The following ARHGAP17 variants were observed in gnomAD, a reference collection of about 807,000 sequenced individuals.
ARHGAP17 encodes the protein rho GTPase-activating protein 17.
Under a neutral mutation model 99.5 loss-of-function variants are expected in ARHGAP17, and 57 were observed. The ratio of observed to expected loss-of-function variants is 0.57; its 90% CI spans 0.46 to 0.71. The LOEUF is 0.71. Among genes scored for constraint, ARHGAP17 ranks in the 30% least tolerant of loss-of-function variants. The probability of loss-of-function intolerance (pLI) is 0.00; values close to 1 mark genes in which losing one functional copy is unlikely to be tolerated. For synonymous variants in ARHGAP17, 417 were observed against 429.6 expected (o/e 0.97, Z 0.36); for missense variants, 1,000 against 1,122.4 (o/e 0.89, Z 1.56).
chr16:24,982,994 ATATTTTTTTTTT>A (rs1486434868), intron 1 of ARHGAP17, among the ~76,000 whole-genome samples: 13 of 17,398 alleles, frequency 7.5e-4, no homozygotes, highest in African/African-American at 2.1e-3. Context: ...ATATATATAT[ATATTTTTTTTTT>A]TTTTTTTTTT....
At chr16:24,969,549 T>C (rs903622222) in intron 4 of ARHGAP17, among the ~76,000 whole-genome samples, 9 of 152,254 alleles carry the variant, frequency 5.9e-5, no homozygotes, top group African/African-American at 2.2e-4. Context: ...GGGAGTGATG[T>C]TGTGTGTTAA....
At chr16:24,939,283 G>C (rs1318492926) in intron 17 of ARHGAP17, 81 bp downstream of exon 17, 1 of 1,306,662 alleles carries the variant, frequency 7.7e-7, no homozygotes, top group Non-Finnish European at 1.0e-6. Flanking sequence ...CTTTGGGCAT[G>C]GATGCCGTGC....
chr16:24,934,861 A>C (rs1363476128), intron 18 of ARHGAP17, among the ~76,000 whole-genome samples: 1 of 152,222 alleles, frequency 6.6e-6, no homozygotes, highest in East Asian at 1.9e-4. Context: ...AACTTAGTTC[A>C]TTCAAGGAAC....
At chr16:24,945,515 G>C (rs139075704) in intron 14 of ARHGAP17, among the ~76,000 whole-genome samples, 1 of 152,018 alleles carries the variant, frequency 6.6e-6, no homozygotes, top group South Asian at 2.1e-4. Context: ...ACAACAACCC[G>C]TTATGAGGCC....
At chr16:24,961,065 C>T (rs1396692719) in intron 7 of ARHGAP17, among the ~76,000 whole-genome samples, 4 of 151,580 alleles carry the variant, frequency 2.6e-5, no homozygotes, top group Non-Finnish European at 4.4e-5. Context: ...GGTTTTGCCA[C>T]GTTGGCCAGG....
At chr16:24,929,168 TTTTA>T (rs2050916666) in intron 19 of ARHGAP17, among the ~76,000 whole-genome samples, 1 of 151,726 alleles carries the variant, frequency 6.6e-6, no homozygotes, top group African/African-American at 2.4e-5. Context: ...TTTTTTTTTT[TTTTA>T]AAAAGAGGCA....
Position 24,919,841 on chromosome 16 carries a change from C to T in ARHGAP17, c.*289G>A, listed in dbSNP as rs190916989. The T allele has an allele frequency of 2.3e-5, 6 of 263,318 alleles. No individual in the cohort carries two copies. In the East Asian group the frequency reaches 2.3e-4, roughly 10 times the overall value. The allele number at this position is 263,318 out of a possible 1,614,324, so 16.3% of individuals were successfully genotyped here. ...GGACAAAAGCTTCCTATGCGCGTTT[C>T]AGCAGGAATACTCTCTCCACTCCAG... On this transcript the variant is annotated 3_prime_UTR_variant, in exon 20 of 20. Coordinates refer to ENST00000289968, the MANE Select transcript of ARHGAP17 (RefSeq NM_001006634.3).
intron 19 of ARHGAP17, among the ~76,000 whole-genome samples, chr16:24,923,580 C>T (rs150213033): frequency 8.2e-4 from 124 of 152,118 alleles, no homozygotes; most frequent in African/African-American, 2.9e-3. Flanking sequence ...AAAAATTAGC[C>T]GGGTGTGGTG....
chr16:24,932,808 T>C (rs1470682306), intron 18 of ARHGAP17, among the ~76,000 whole-genome samples: 3 of 150,890 alleles, frequency 2.0e-5, no homozygotes, highest in Non-Finnish European at 3.0e-5. Flanking sequence ...CTGGGAGGGG[T>C]AGGGGGAAAG....
At chr16:25,010,298 TC>T (rs1259571553) in intron 1 of ARHGAP17, among the ~76,000 whole-genome samples, 3 of 152,120 alleles carry the variant, frequency 2.0e-5, no homozygotes, top group Non-Finnish European at 2.9e-5. Flanking sequence ...GGTCTGAAAT[TC>T]CTGGGTTCAA....
chr16:24,968,235 A>C, intron 6 of ARHGAP17, 116 bp downstream of exon 6: 4 of 1,194,458 alleles, frequency 3.3e-6, no homozygotes, highest in Non-Finnish European at 4.9e-6. Flanking sequence ...GCTGGCACCC[A>C]GTCTGGGGGT....
chr16:24,981,492 G>A (rs537182281), intron 1 of ARHGAP17, among the ~76,000 whole-genome samples: 11 of 152,054 alleles, frequency 7.2e-5, no homozygotes, highest in Non-Finnish European at 1.3e-4. Flanking sequence ...TCATTTATCA[G>A]AACAGAAAGT....
chr16:24,997,323 C>T (rs1023059236), intron 1 of ARHGAP17, among the ~76,000 whole-genome samples: 2 of 151,174 alleles, frequency 1.3e-5, no homozygotes, highest in African/African-American at 2.4e-5. Context: ...TGCAAGGCGC[C>T]CAGTACACAC....
chr16:24,922,655 A>C (rs59712513), intron 19 of ARHGAP17, among the ~76,000 whole-genome samples: 2,442 of 152,130 alleles, frequency 0.016, 50 homozygotes, highest in African/African-American at 0.053. Context: ...AAGAGACTTC[A>C]TCACAGTAGC....
intron 12 of ARHGAP17, among the ~76,000 whole-genome samples, chr16:24,951,886 C>T (rs1460757392): frequency 3.3e-5 from 5 of 152,154 alleles, no homozygotes; most frequent in Admixed American, 3.3e-4. Context: ...CCCTAATCCC[C>T]ATGCTGTTTA....
chr16:24,943,894 T>G, intron 14 of ARHGAP17, 32 bp from the exon 15 acceptor site: 1 of 1,560,714 alleles, frequency 6.4e-7, no homozygotes, highest in Non-Finnish European at 8.8e-7. Flanking sequence ...TTAAAATACT[T>G]CCTGTAGGCA....
At chr16:24,977,094 G>T in intron 3 of ARHGAP17, 121 bp downstream of exon 3, 1 of 607,642 alleles carries the variant, frequency 1.6e-6, no homozygotes. Context: ...GAGCGTGCTT[G>T]GTGATAGAAG....
chr16:24,946,273 G>T (rs1007690506), intron 14 of ARHGAP17, among the ~76,000 whole-genome samples: 13 of 151,724 alleles, frequency 8.6e-5, no homozygotes, highest in African/African-American at 3.1e-4. Context: ...GCCCTTGAAG[G>T]CTCTGGCCTT....
chr16:24,959,861 T>G (rs749027980), intron 8 of ARHGAP17, 50 bp downstream of exon 8: 3 of 1,607,234 alleles, frequency 1.9e-6, no homozygotes, highest in Non-Finnish European at 2.6e-6. Flanking sequence ...AAAGCTAAAA[T>G]GACTCCATTT....
Sources: allele counts gnomAD v4.1 joint callset (sites outside exome capture counted in the v4.1 genomes callset), GRCh38; gene constraint gnomAD v4.1.1; transcripts MANE v1.5; gene names NCBI Gene and HGNC (gene_info 2026-07-23, HGNC 2026-07-21).